MDN1: variants seen among roughly 807,000 people sequenced by gnomAD.
The protein encoded by MDN1 is midasin.
A neutral mutation model predicts 669.2 loss-of-function variants in MDN1; 266 were observed. That is an observed-to-expected ratio of 0.40 (90% CI 0.36 to 0.44). The LOEUF is 0.44. Among genes scored for constraint, MDN1 ranks in the 20% least tolerant of loss-of-function variants. The pLI is 1.00. For missense variants in MDN1, 5,940 were observed against 6,754.0 expected, an observed-to-expected ratio of 0.88 and a Z score of 4.22; for synonymous variants, 2,385 against 2,457.1, an observed-to-expected ratio of 0.97 and a Z score of 0.87.
chr6:89,696,080 T>C (rs1281457849), intron 60 of MDN1, 88 bp from the exon 61 acceptor site: 9 of 1,475,852 alleles, frequency 6.1e-6, no homozygotes, highest in African/African-American at 4.2e-5. Flanking sequence ...CAAGAAATGA[T>C]AACCACAGAA....
At chr6:89,670,134 A>C (rs1340104010) in intron 83 of MDN1, among the ~76,000 whole-genome samples, 1 of 96,566 alleles carries the variant, frequency 1.0e-5, no homozygotes, top group Non-Finnish European at 1.9e-5. Flanking sequence ...CTGTCTCCAA[A>C]AAAACATATA....
At chr6:89,774,859 T>C (rs758776416) in intron 12 of MDN1, 126 bp from the exon 13 acceptor site, 48 of 606,318 alleles carry the variant, frequency 7.9e-5, no homozygotes, top group Non-Finnish European at 1.2e-4. Flanking sequence ...TCCCAGATAG[T>C]TGAGTTGGCT....
chr6:89,781,167 G>A lies in MDN1; in HGVS notation c.1643+232C>T, dbSNP rs574873617. The A allele has an allele frequency of 7.1e-4, 395 of 555,072 alleles. 2 individuals are homozygous for A. Among genetic ancestry groups the A allele is most frequent in the Middle Eastern group, 3.5e-3 (7 of 2,016 alleles). The allele number at this position is 555,072 out of a possible 1,614,324, so 34.4% of individuals were successfully genotyped here. ...AAGTTAAAAACATTACCCTAATCGA[G>A]CCTTCCCAGTCATTAATTATAAATC... On this transcript the variant is annotated intron_variant, in intron 10 of 101. Coordinates refer to ENST00000369393, the MANE Select transcript of MDN1 (RefSeq NM_014611.3).
chr6:89,720,848 G>T (rs545086026), intron 40 of MDN1, among the ~76,000 whole-genome samples: 2 of 152,260 alleles, frequency 1.3e-5, no homozygotes, highest in Admixed American at 1.3e-4. Context: ...GAAGCTCTGG[G>T]TGGCCGGGCA....
chr6:89,743,039 G>A, intron 31 of MDN1, 111 bp downstream of exon 31: 1 of 1,308,194 alleles, frequency 7.6e-7, no homozygotes, highest in East Asian at 2.3e-5. Flanking sequence ...CTATGATCAT[G>A]ACACGGCACT....
At chr6:89,683,781 A>G in intron 72 of MDN1, 50 bp downstream of exon 72, 1 of 1,445,496 alleles carries the variant, frequency 6.9e-7, no homozygotes, top group South Asian at 1.2e-5. Context: ...TCCCTACCAC[A>G]CAAAATTCTA....
chr6:89,761,597 T>C, intron 17 of MDN1, 48 bp downstream of exon 17: 1 of 1,346,848 alleles, frequency 7.4e-7, no homozygotes. Flanking sequence ...AACATTGTTT[T>C]GCATAAAATC....
At chr6:89,718,084 T>A (rs535179308) in intron 43 of MDN1, among the ~76,000 whole-genome samples, 1 of 152,314 alleles carries the variant, frequency 6.6e-6, no homozygotes, top group African/African-American at 2.4e-5. Flanking sequence ...AAATAGCCAG[T>A]AATAATAAAA....
In MDN1 at chr6:89,787,844, T is replaced by C. The variant is rs571889696; in HGVS notation, c.1334+10A>G. On this transcript the variant is annotated intron_variant, in intron 8 of 101. Transcript: ENST00000369393. ...TCCAGAGTGAAAACAGAAAGGTTACTAGTACATACCTCCTGGTTGCAAAAA... is the reference window on the plus strand; with the variant it reads ...TCCAGAGTGAAAACAGAAAGGTTACCAGTACATACCTCCTGGTTGCAAAAA... 2 of 1,601,650 alleles carry C rather than the reference T, an allele frequency of 1.2e-6. No individual in the cohort carries two copies. Among genetic ancestry groups the C allele is most frequent in the Non-Finnish European group, 1.7e-6 (2 of 1,171,480 alleles).
In MDN1 at chr6:89,654,351, C is replaced by T; in HGVS notation, c.15491-17G>A. 1 of 1,613,558 alleles carries T rather than the reference C, an allele frequency of 6.2e-7. No homozygotes were observed. The highest frequency in any genetic ancestry group is 8.5e-7 in the Non-Finnish European group (1 of 1,179,712). On this transcript the variant is annotated splice_polypyrimidine_tract_variant and intron_variant, in intron 92 of 101. Transcript: ENST00000369393. The stretch of plus-strand genomic sequence containing the variant: ...TGGCCACATCTGTCAACAAAGCACG[C>T]ACCCACACATAAAAATCCTAGGTCT...
intron 83 of MDN1, among the ~76,000 whole-genome samples, chr6:89,669,490 C>T (rs1427919697): frequency 1.3e-5 from 2 of 152,108 alleles, no homozygotes; most frequent in Non-Finnish European, 2.9e-5. Flanking sequence ...TTACCTCTTT[C>T]CAGTATTTCA....
At chr6:89,756,935 GA>G (rs1385090712) in intron 19 of MDN1, among the ~76,000 whole-genome samples, 1 of 149,896 alleles carries the variant, frequency 6.7e-6, no homozygotes, top group Non-Finnish European at 1.5e-5. Flanking sequence ...AAAAAAAAAA[GA>G]TACAAAAATA....
At chr6:89,745,859 C>A (rs756944052) in intron 27 of MDN1, among the ~76,000 whole-genome samples, 38 of 152,082 alleles carry the variant, frequency 2.5e-4, no homozygotes, top group Non-Finnish European at 4.6e-4. Flanking sequence ...AAGACATAAG[C>A]AGGAATGTTC....
chr6:89,658,555 G>A (rs1809494351), intron 89 of MDN1, 55 bp downstream of exon 89: 1 of 1,559,994 alleles, frequency 6.4e-7, no homozygotes, highest in Admixed American at 1.8e-5. Context: ...GGAATAAGGT[G>A]ACTTCTCCTC....
chr6:89,717,836 C>T (rs528254579), intron 43 of MDN1, among the ~76,000 whole-genome samples: 97 of 152,174 alleles, frequency 6.4e-4, no homozygotes, highest in Non-Finnish European at 1.3e-3. Flanking sequence ...TAAAGAATGA[C>T]AAGCATAGTG....
intron 86 of MDN1, 92 bp from the exon 87 acceptor site, chr6:89,662,331 C>T: frequency 7.6e-7 from 1 of 1,310,950 alleles, no homozygotes; most frequent in Non-Finnish European, 1.0e-6. Flanking sequence ...TAATTTCTGC[C>T]TATTGGACCT....
chr6:89,808,794 G>A (rs1768174468), intron 1 of MDN1, among the ~76,000 whole-genome samples: 1 of 152,054 alleles, frequency 6.6e-6, no homozygotes, highest in South Asian at 2.1e-4. Flanking sequence ...CCATTTTTAG[G>A]AATTCCAATC....
intron 16 of MDN1, 23 bp from the exon 17 acceptor site, chr6:89,761,771 C>T (rs1817562223): frequency 1.3e-6 from 2 of 1,496,422 alleles, no homozygotes; most frequent in Non-Finnish European, 1.8e-6. Flanking sequence ...GACAAGAATT[C>T]AGCACACATT....
intron 11 of MDN1, among the ~76,000 whole-genome samples, chr6:89,779,788 G>A (rs867315447): frequency 5.9e-5 from 9 of 152,130 alleles, no homozygotes; most frequent in Admixed American, 2.0e-4. Context: ...AAACCAGGCC[G>A]GGTGCGGTGG....
Sources: gnomAD v4.1 joint callset for allele counts (sites outside exome capture counted in the v4.1 genomes callset) on GRCh38, gnomAD v4.1.1 for gene constraint, MANE v1.5 for transcripts, NCBI Gene and HGNC (gene_info 2026-07-23, HGNC 2026-07-21) for gene names.